Variants in GRID1 observed in about 807,000 individuals in gnomAD.
The protein encoded by GRID1 is glutamate ionotropic receptor delta type subunit 1.
In GRID1, 28 loss-of-function variants were observed where a neutral mutation model predicts 98.0. That is an observed-to-expected ratio of 0.29 (90% CI 0.21 to 0.39). GRID1 has a LOEUF of 0.39. Among genes scored for constraint, GRID1 ranks in the 10% least tolerant of loss-of-function variants. The probability of loss-of-function intolerance (pLI) is 1.00; values close to 1 mark genes in which losing one functional copy is unlikely to be tolerated. For missense variants in GRID1, 1,111 were observed against 1,340.5 expected (o/e 0.83, Z 2.67); for synonymous variants, 553 against 538.5 (o/e 1.03, Z -0.37).
intron 4 of GRID1, among the ~76,000 whole-genome samples, chr10:86,032,829 TAAA>T (rs58350170): frequency 5.5e-5 from 6 of 109,880 alleles, no homozygotes; most frequent in Non-Finnish European, 8.9e-5. Context: ...AATAAATACT[TAAA>T]AAAAAAAAAA....
chr10:85,869,420 C>G (rs1433251991), intron 5 of GRID1, among the ~76,000 whole-genome samples: 1 of 152,174 alleles, frequency 6.6e-6, no homozygotes, highest in Non-Finnish European at 1.5e-5. Context: ...TGAGACTAAA[C>G]CACTGGTGCA....
chr10:86,366,460 G>C lies in GRID1; in HGVS notation c.-68C>G. ...GCCGAGGGCAGCGCGAAGCGGGGAG[G>C]CGCTGGTCCCGGTGCAGTCCCGGGC... On this transcript the variant is annotated 5_prime_UTR_variant, in exon 1 of 16. Transcript: ENST00000327946. This position sits in a 1 kb window ranked among gnomAD's most constrained non-coding sequence, Gnocchi z 4.1. 2 of 1,198,928 alleles carry C rather than the reference G, an allele frequency of 1.7e-6. No homozygotes were observed. The highest frequency in any genetic ancestry group is 3.0e-5 in the South Asian group (2 of 67,636). 74.3% of individuals were successfully genotyped at this position (1,198,928 alleles called of 1,614,324 possible). A position where few individuals can be genotyped will look rare whatever the true frequency, so the allele number is the denominator to read the frequency against.
intron 12 of GRID1, among the ~76,000 whole-genome samples, chr10:85,684,334 G>C (rs1841244337): frequency 6.6e-6 from 1 of 152,088 alleles, no homozygotes; most frequent in South Asian, 2.1e-4. Context: ...AGCCAAACTT[G>C]CTTGTAAATA....
At chr10:86,058,198 A>G (rs1038449906) in intron 4 of GRID1, among the ~76,000 whole-genome samples, 1 of 152,140 alleles carries the variant, frequency 6.6e-6, no homozygotes, top group African/African-American at 2.4e-5. Context: ...CTCCTATGGA[A>G]AGGAAGAGAG....
At chr10:86,130,445 T>A (rs141795161) in intron 4 of GRID1, among the ~76,000 whole-genome samples, 37 of 152,302 alleles carry the variant, frequency 2.4e-4, no homozygotes, top group African/African-American at 8.9e-4. Flanking sequence ...GCCATGCCTG[T>A]ACCCATATAA....
At position 85,600,275 on chromosome 10, in the gene GRID1, T is replaced by A. The variant is rs1236823984; in HGVS notation, c.*1998A>T. 1 of 152,196 alleles carries A rather than the reference T, an allele frequency of 6.6e-6. No individual in the cohort carries two copies. The highest frequency in any genetic ancestry group is 1.5e-5 in the Non-Finnish European group (1 of 68,032). 9.4% of individuals were successfully genotyped at this position (152,196 alleles called of 1,614,324 possible). ...GGCTCCAAGGTCCACATGCTCTGATTGGAGAAATGTCAATGGATTGCCTAG... is the reference window on the plus strand; with the variant it reads ...GGCTCCAAGGTCCACATGCTCTGATAGGAGAAATGTCAATGGATTGCCTAG... On this transcript the variant is annotated 3_prime_UTR_variant, in exon 16 of 16. Transcript: ENST00000327946.
At chr10:86,301,967 A>G (rs1441466295) in intron 2 of GRID1, among the ~76,000 whole-genome samples, 1 of 152,228 alleles carries the variant, frequency 6.6e-6, no homozygotes, top group Non-Finnish European at 1.5e-5. Context: ...AAATGGGCTC[A>G]GACACAGCCA....
intron 8 of GRID1, among the ~76,000 whole-genome samples, chr10:85,737,234 G>A (rs1235033438): frequency 2.0e-5 from 3 of 152,136 alleles, no homozygotes; most frequent in African/African-American, 7.2e-5. Flanking sequence ...TGTGTGTTAA[G>A]TGTCCAGAGG....
At chr10:85,794,793 A>C (rs1842511033) in intron 8 of GRID1, among the ~76,000 whole-genome samples, 1 of 152,182 alleles carries the variant, frequency 6.6e-6, no homozygotes, top group African/African-American at 2.4e-5. Flanking sequence ...GCCTCCTGTA[A>C]TCATAAGACA....
chr10:86,175,936 C>T lies in GRID1; in HGVS notation c.520+30428G>A, dbSNP rs559839674. 1.2e-4 allele frequency among the ~76,000 whole-genome samples: 19 copies of T among 152,244 alleles called. No homozygotes were observed. In the South Asian group the frequency reaches 2.9e-3, roughly 23 times the overall value. On this transcript the variant is annotated intron_variant, in intron 3 of 15. Coordinates refer to ENST00000327946, the MANE Select transcript of GRID1 (RefSeq NM_017551.3). ...GTTGGTCAGGCTGGTCTCGAACTGC[C>T]GGCTTCAGGTGATCTGCCTGCCTCG...
At position 86,192,194 on chromosome 10, in the gene GRID1, GCA is replaced by G. The variant is rs145573995; in HGVS notation, c.520+14168_520+14169del. Among the ~76,000 whole-genome samples the G allele has an allele frequency of 1.1e-4, 17 of 151,132 alleles. No individual in the cohort carries two copies. The East Asian group carries it at 2.9e-3, about 26-fold the overall frequency. On this transcript the variant is annotated intron_variant, in intron 3 of 15. Transcript: ENST00000327946. This position sits in a 1 kb window ranked among gnomAD's most constrained non-coding sequence, Gnocchi z 4.8. ...GCAACACACACCCACAGACACCTGC[GCA>G]CACACACACACATGGAGGCTCCAAG...
chr10:86,150,397 C>T (rs1845148100), intron 3 of GRID1, among the ~76,000 whole-genome samples: 1 of 152,234 alleles, frequency 6.6e-6, no homozygotes. Flanking sequence ...TCCTTCAGAA[C>T]ACAGAGGAAT....
chr10:86,149,456 T>G (rs1177977821), intron 3 of GRID1, among the ~76,000 whole-genome samples: 4 of 152,202 alleles, frequency 2.6e-5, no homozygotes, highest in African/African-American at 9.7e-5. Context: ...GAATGAGCCG[T>G]ACCCACACCC....
rs962903820 is a variant in GRID1, at chr10:85,728,166, A to T, written c.1336-114T>A. On this transcript the variant is annotated intron_variant, in intron 9 of 15. Transcript: ENST00000327946. ...TAGAACATTTGCAGTTCCCCAATTTAGGACTTCAGGCTCAACTTCTCTGCC... is the reference window on the plus strand; with the variant it reads ...TAGAACATTTGCAGTTCCCCAATTTTGGACTTCAGGCTCAACTTCTCTGCC... 3.7e-6 allele frequency: 3 copies of T among 800,852 alleles called. No individual in the cohort carries two copies. The African/African-American group carries it at 5.1e-5, about 14-fold the overall frequency. The allele number at this position is 800,852 out of a possible 1,614,324, so 49.6% of individuals were successfully genotyped here. A position where few individuals can be genotyped will look rare whatever the true frequency, so the allele number is the denominator to read the frequency against.
intron 5 of GRID1, among the ~76,000 whole-genome samples, chr10:85,874,525 T>C (rs1843308753): frequency 6.6e-6 from 1 of 152,232 alleles, no homozygotes. Flanking sequence ...TGTGCTTTTG[T>C]CCAATTTCCA....
At chr10:85,604,394 T>C (rs190031659) in intron 15 of GRID1, among the ~76,000 whole-genome samples, 1 of 152,268 alleles carries the variant, frequency 6.6e-6, no homozygotes, top group Non-Finnish European at 1.5e-5. Context: ...TGCTATGGGA[T>C]GTGGCTCGCT....
intron 13 of GRID1, among the ~76,000 whole-genome samples, chr10:85,625,825 G>T (rs998694034): frequency 6.6e-6 from 1 of 152,210 alleles, no homozygotes; most frequent in Non-Finnish European, 1.5e-5. Context: ...TGGATGACTT[G>T]CTTGTGTTCC....
chr10:85,821,040 T>A (rs1842765058), intron 8 of GRID1, among the ~76,000 whole-genome samples: 1 of 152,034 alleles, frequency 6.6e-6, no homozygotes, highest in Admixed American at 6.6e-5. Flanking sequence ...GATAAGCAGA[T>A]AAAGAAATAT....
At chr10:86,067,713 G>A (rs1843740576) in intron 4 of GRID1, among the ~76,000 whole-genome samples, 1 of 152,186 alleles carries the variant, frequency 6.6e-6, no homozygotes, top group African/African-American at 2.4e-5. Flanking sequence ...GGAAGGCTAT[G>A]CCCTCCAACT....
Sources: gnomAD v4.1 joint callset for allele counts (sites outside exome capture counted in the v4.1 genomes callset) on GRCh38, gnomAD v4.1.1 for gene constraint, Gnocchi (gnomAD v3.1) non-coding constraint, MANE v1.5 for transcripts, NCBI Gene and HGNC (gene_info 2026-07-23, HGNC 2026-07-21) for gene names.